Variants in PPP1R14C observed in about 807,000 individuals in gnomAD.
PPP1R14C encodes the protein protein phosphatase 1 regulatory subunit 14C.
PPP1R14C carries 16 observed loss-of-function variants against 20.4 expected under a neutral mutation model. That is an observed-to-expected ratio of 0.78 (90% CI 0.53 to 1.19). The LOEUF (loss-of-function observed/expected upper bound fraction) is 1.19, where lower values mean the gene tolerates loss of function less well. Ranked by LOEUF, PPP1R14C falls within the 50% of genes most tolerant of loss-of-function variation. The probability of loss-of-function intolerance (pLI) is 0.00; values close to 1 mark genes in which losing one functional copy is unlikely to be tolerated. For missense variants in PPP1R14C, 211 were observed against 220.1 expected (o/e 0.96, Z 0.26); for synonymous variants, 91 against 91.0 (o/e 1.00, Z 0.00).
At chr6:150,171,977 T>C (rs1032837609) in intron 1 of PPP1R14C, among the ~76,000 whole-genome samples, 3 of 152,032 alleles carry the variant, frequency 2.0e-5, no homozygotes, top group African/African-American at 7.2e-5. Context: ...TGCTCTTTTT[T>C]TTTGTATTTT....
chr6:150,220,194 C>T (rs1778149864), intron 3 of PPP1R14C, among the ~76,000 whole-genome samples: 1 of 152,148 alleles, frequency 6.6e-6, no homozygotes, highest in Admixed American at 6.5e-5. Context: ...TATGGAGTGA[C>T]CAAGTTGCAA....
rs552247026 is a variant in PPP1R14C at position 150,209,065 on chromosome 6, C to T, written c.307-5679C>T. 3.9e-5 allele frequency among the ~76,000 whole-genome samples: 6 copies of T among 152,148 alleles called. No homozygotes were observed. In the South Asian group the frequency reaches 1.2e-3, roughly 32 times the overall value. On this transcript the variant is annotated intron_variant, in intron 1 of 3. Transcript: ENST00000361131. ...GCTATTGTTCAGATGAGTGTTTGAA[C>T]AGGCCATAATAAGCTGACATTTGCC...
At chr6:150,194,421 T>C (rs765926622) in intron 1 of PPP1R14C, 72 of 981,690 alleles carry the variant, frequency 7.3e-5, no homozygotes, top group Non-Finnish European at 8.6e-5. Context: ...TGAGAGTATG[T>C]ACAAAATGAT....
At chr6:150,200,446 C>A (rs1777862977) in intron 1 of PPP1R14C, among the ~76,000 whole-genome samples, 1 of 152,130 alleles carries the variant, frequency 6.6e-6, no homozygotes. Context: ...ACCAAGTCTG[C>A]AGACTTAGGT....
intron 1 of PPP1R14C, among the ~76,000 whole-genome samples, chr6:150,186,089 G>A (rs769415503): frequency 1.3e-5 from 2 of 152,170 alleles, no homozygotes; most frequent in Non-Finnish European, 2.9e-5. Context: ...CGTGACCAAG[G>A]ATGGGTTTGC....
chr6:150,166,529 G>A (rs182072043), intron 1 of PPP1R14C, among the ~76,000 whole-genome samples: 1 of 152,292 alleles, frequency 6.6e-6, no homozygotes, highest in East Asian at 1.9e-4. Context: ...TATGAACAAA[G>A]AGGGGCAGGG....
chr6:150,233,693 A>T (rs9371843), intron 3 of PPP1R14C, among the ~76,000 whole-genome samples: 4,497 of 152,304 alleles, frequency 0.03, 113 homozygotes, highest in East Asian at 0.15. Flanking sequence ...CTGGCCAGGC[A>T]CTTTCGGACT....
intron 3 of PPP1R14C, among the ~76,000 whole-genome samples, chr6:150,238,179 T>C (rs1053489362): frequency 6.6e-6 from 1 of 152,238 alleles, no homozygotes; most frequent in African/African-American, 2.4e-5. Context: ...CAAAAGCTAC[T>C]GAGGCAGTGT....
intron 1 of PPP1R14C, among the ~76,000 whole-genome samples, chr6:150,205,046 CAG>C (rs1777927775): frequency 6.7e-6 from 1 of 149,164 alleles, no homozygotes; most frequent in South Asian, 2.2e-4. Flanking sequence ...ATAATCTCTC[CAG>C]AGATAGTCAT....
chr6:150,171,055 T>A (rs1019155795), intron 1 of PPP1R14C, among the ~76,000 whole-genome samples: 1 of 152,046 alleles, frequency 6.6e-6, no homozygotes, highest in Non-Finnish European at 1.5e-5. Flanking sequence ...TGACCCTCCA[T>A]TGGAGCGGTA....
Position 150,143,715 on chromosome 6 carries a change from C to T in PPP1R14C, c.306+217C>T, listed in dbSNP as rs549432591. Among the ~76,000 whole-genome samples, 3 of 152,176 alleles carry T rather than the reference C, an allele frequency of 2.0e-5. No homozygotes were observed. The highest frequency in any genetic ancestry group is 1.3e-4 in the Admixed American group (2 of 15,280). Reference sequence around the variant, plus strand: ...CTGTCTGGGTTCGGCTGCCGGTGCCCGGGGATCTGCGGGCCCCCTTGGTGG... The same window carrying T: ...CTGTCTGGGTTCGGCTGCCGGTGCCTGGGGATCTGCGGGCCCCCTTGGTGG... On this transcript the variant is annotated intron_variant, in intron 1 of 3. Transcript: ENST00000361131. The surrounding 1 kb of genome is among the most constrained non-coding windows in gnomAD (Gnocchi z 5.6).
chr6:150,166,103 C>T (rs2114863830), intron 1 of PPP1R14C, among the ~76,000 whole-genome samples: 1 of 150,142 alleles, frequency 6.7e-6, no homozygotes, highest in South Asian at 2.1e-4. Context: ...GAGACGGAGT[C>T]TGAGTCTCCC....
At chr6:150,145,898 G>A (rs924337838) in intron 1 of PPP1R14C, among the ~76,000 whole-genome samples, 12 of 152,204 alleles carry the variant, frequency 7.9e-5, no homozygotes, top group African/African-American at 2.9e-4. Flanking sequence ...CTTGACCCAA[G>A]CAGGTTAGGA....
chr6:150,166,477 G>C (rs1228627298), intron 1 of PPP1R14C, among the ~76,000 whole-genome samples: 2 of 152,178 alleles, frequency 1.3e-5, no homozygotes, highest in East Asian at 1.9e-4. Context: ...AGGGGCTGGG[G>C]TTATGTCCCA....
chr6:150,169,383 A>G (rs1777473180), intron 1 of PPP1R14C, among the ~76,000 whole-genome samples: 1 of 150,386 alleles, frequency 6.6e-6, no homozygotes. Context: ...GTAGAAGAGG[A>G]AAAAAAATTA....
chr6:150,189,012 C>T lies in PPP1R14C; in HGVS notation c.307-25732C>T, dbSNP rs189378118. ...TAGCTGGGATCACAGGTGTGCGCCA[C>T]CATGCCCGGCTAATTTTTGTATTTT... On this transcript the variant is annotated intron_variant, in intron 1 of 3. Transcript: ENST00000361131. 5.8e-3 allele frequency among the ~76,000 whole-genome samples: 876 copies of T among 152,054 alleles called. 8 individuals carry two copies. The highest frequency in any genetic ancestry group is 0.02 in the African/African-American group (837 of 41,444).
intron 1 of PPP1R14C, among the ~76,000 whole-genome samples, chr6:150,167,376 A>G (rs1343116657): frequency 2.6e-5 from 4 of 151,576 alleles, no homozygotes; most frequent in East Asian, 1.9e-4. Context: ...TCGGGGGGGA[A>G]AAAAACAAAA....
Position 150,188,753 on chromosome 6 carries a change from T to A in PPP1R14C, c.307-25991T>A, listed in dbSNP as rs923114097. Among the ~76,000 whole-genome samples, 23 of 151,986 alleles carry A rather than the reference T, an allele frequency of 1.5e-4. 2 individuals carry two copies. Among genetic ancestry groups the A allele is most frequent in the Admixed American group, 1.3e-3 (20 of 15,258 alleles). The stretch of plus-strand genomic sequence containing the variant: ...CACCCGCCTAGGCCTCCCAAAGTGC[T>A]GAGATTATAGGTGTGAGCCACTGCG... On this transcript the variant is annotated intron_variant, in intron 1 of 3. Coordinates refer to ENST00000361131, the MANE Select transcript of PPP1R14C (RefSeq NM_030949.3).
At chr6:150,159,316 C>T (rs1329153174) in intron 1 of PPP1R14C, among the ~76,000 whole-genome samples, 2 of 152,238 alleles carry the variant, frequency 1.3e-5, no homozygotes, top group East Asian at 1.9e-4. Context: ...CCAGATTTGA[C>T]AGAGAGATTG....
Sources: gnomAD v4.1 joint callset for allele counts (sites outside exome capture counted in the v4.1 genomes callset) on GRCh38, gnomAD v4.1.1 for gene constraint, Gnocchi (gnomAD v3.1) non-coding constraint, MANE v1.5 for transcripts, NCBI Gene and HGNC (gene_info 2026-07-23, HGNC 2026-07-21) for gene names.